Variants in GRID2IP observed in about 807,000 individuals in gnomAD.
GRID2IP encodes Grid2 interacting protein, also known as delphilin.
Under a neutral mutation model 114.3 loss-of-function variants are expected in GRID2IP, and 78 were observed. That is an observed-to-expected ratio of 0.68 (90% CI 0.57 to 0.82). The LOEUF (loss-of-function observed/expected upper bound fraction) is 0.82. Ranked by LOEUF, GRID2IP falls within the 40% of genes least tolerant of loss-of-function variation. The probability of loss-of-function intolerance (pLI) is 0.00; values close to 1 mark genes in which losing one functional copy is unlikely to be tolerated. For synonymous variants in GRID2IP, 809 were observed against 724.0 expected, an observed-to-expected ratio of 1.12 and a Z score of -1.89; for missense variants, 1,727 against 1,678.5, an observed-to-expected ratio of 1.03 and a Z score of -0.51.
intron 2 of GRID2IP, among the ~76,000 whole-genome samples, chr7:6,529,900 C>T (rs1779584197): frequency 6.6e-6 from 1 of 151,902 alleles, no homozygotes; most frequent in South Asian, 2.1e-4. Flanking sequence ...CCCCAAGTTC[C>T]TACCCCGCCC....
Position 6,503,555 on chromosome 7 carries a change from T to G in GRID2IP, c.2843A>C (p.Gln948Pro). Residue 948 changes from glutamine to proline, a missense_variant, in exon 16 of 22, where the codon CAG becomes CCG. Gln to Pro is a moderately conservative substitution (Grantham distance 76). Transcript: ENST00000457091. ...LLFAPDADEE[Q>P]RYQAFREAPG... ...CGCCTCGCGGAAGGCCTGGTAGCGCTGCTCCTCGTCGGCGTCGGGCGCGAA... is the reference window on the plus strand; with the variant it reads ...CGCCTCGCGGAAGGCCTGGTAGCGCGGCTCCTCGTCGGCGTCGGGCGCGAA... The G allele has an allele frequency of 6.5e-7, 1 of 1,528,920 alleles. No homozygotes were observed. The highest frequency in any genetic ancestry group is 1.2e-5 in the South Asian group (1 of 83,558). 94.7% of individuals were successfully genotyped at this position (1,528,920 alleles called of 1,614,324 possible).
intron 18 of GRID2IP, 107 bp from the exon 19 acceptor site, chr7:6,502,225 G>A (rs950551612): frequency 3.8e-5 from 42 of 1,111,188 alleles, no homozygotes; most frequent in Admixed American, 1.1e-4. Context: ...AATTCTTGGC[G>A]CCCCCACTTT....
At chr7:6,546,569 CAA>C (rs775701238) in intron 1 of GRID2IP, among the ~76,000 whole-genome samples, 26 of 122,252 alleles carry the variant, frequency 2.1e-4, no homozygotes, top group African/African-American at 2.5e-4. Context: ...AACTCTGTCT[CAA>C]AAAAAAAAAA....
In GRID2IP at chr7:6,506,800, G is replaced by A. The variant is rs574913465; in HGVS notation, c.2545-893C>T. Reference sequence around the variant, plus strand: ...GGAATCAAGTGATTCTCCCTCTTCAGCCTCCCGAGTAGCTGGGACCACAGG... The same window carrying A: ...GGAATCAAGTGATTCTCCCTCTTCAACCTCCCGAGTAGCTGGGACCACAGG... On this transcript the variant is annotated intron_variant, in intron 13 of 21. Coordinates refer to ENST00000457091, the MANE Select transcript of GRID2IP (RefSeq NM_001145118.2). The surrounding 1 kb of genome is among the most constrained non-coding windows in gnomAD (Gnocchi z 5.2). Among the ~76,000 whole-genome samples the A allele has an allele frequency of 9.3e-5, 14 of 151,328 alleles. No homozygotes were observed. The South Asian group carries it at 2.9e-3, about 32-fold the overall frequency.
At chr7:6,512,790 C>A (rs990459912) in intron 8 of GRID2IP, among the ~76,000 whole-genome samples, 1 of 152,024 alleles carries the variant, frequency 6.6e-6, no homozygotes, top group South Asian at 2.1e-4. Context: ...GGATTACAGA[C>A]GTGAGTCACC....
In GRID2IP at chr7:6,536,745, C is replaced by G; in HGVS notation, c.584+2973G>C. ...AGCGCTCAGAGCCAGCGCATCATCT[C>G]CGCGGCAAATTCGGCTCTAGAAATA... On this transcript the variant is annotated intron_variant, in intron 2 of 21. Transcript: ENST00000457091. This position sits in a 1 kb window ranked among gnomAD's most constrained non-coding sequence, Gnocchi z 5.3. 1 of 698,900 alleles carries G rather than the reference C, an allele frequency of 1.4e-6. No homozygotes were observed. The highest frequency in any genetic ancestry group is 2.6e-6 in the Non-Finnish European group (1 of 382,342). The allele number at this position is 698,900 out of a possible 1,614,324, so 43.3% of individuals were successfully genotyped here.
chr7:6,510,546 T>C, intron 10 of GRID2IP, 63 bp downstream of exon 10: 1 of 1,371,208 alleles, frequency 7.3e-7, no homozygotes, highest in Non-Finnish European at 9.8e-7. Context: ...CTGGGCCCAG[T>C]CCTATGGACC....
At chr7:6,502,727 G>A (rs541935841) in intron 18 of GRID2IP, 59 bp downstream of exon 18, 8 of 1,259,242 alleles carry the variant, frequency 6.4e-6, no homozygotes, top group Non-Finnish European at 9.1e-6. Flanking sequence ...AGCTAGGCCT[G>A]GCGTTAGCGC....
At chr7:6,503,433 C>A in intron 16 of GRID2IP, 58 bp downstream of exon 16, 1 of 1,428,916 alleles carries the variant, frequency 7.0e-7, no homozygotes, top group Non-Finnish European at 9.2e-7. Context: ...GCCCTGGCCA[C>A]AGCGACAGCC....
intron 4 of GRID2IP, 92 bp from the exon 5 acceptor site, chr7:6,522,049 G>A (rs1044452134): frequency 5.5e-5 from 56 of 1,023,868 alleles, no homozygotes; most frequent in Admixed American, 1.0e-4. Context: ...GAGAAATGGA[G>A]ACTCAGAGAC....
Position 6,521,747 on chromosome 7 carries a change from C to A in GRID2IP, c.989+141G>T. The A allele has an allele frequency of 2.8e-6, 2 of 702,796 alleles. No homozygotes were observed. The highest frequency in any genetic ancestry group is 4.9e-6 in the Non-Finnish European group (2 of 412,352). 43.5% of individuals were successfully genotyped at this position (702,796 alleles called of 1,614,324 possible). A position where few individuals can be genotyped will look rare whatever the true frequency, so the allele number is the denominator to read the frequency against. On this transcript the variant is annotated intron_variant, in intron 5 of 21. Transcript: ENST00000457091. The surrounding 1 kb of genome is among the most constrained non-coding windows in gnomAD (Gnocchi z 4.1). ...GGAGGAGGGTTAGATTCAAGAGTTCCCATTGGAAGAGGGACAGACCCTGGG... is the reference window on the plus strand; with the variant it reads ...GGAGGAGGGTTAGATTCAAGAGTTCACATTGGAAGAGGGACAGACCCTGGG...
rs769336933 is a variant in GRID2IP, at chr7:6,507,950, C to A, written c.2544+35G>T. 9.0e-6 allele frequency: 14 copies of A among 1,547,484 alleles called. No individual in the cohort carries two copies. The highest frequency in any genetic ancestry group is 2.4e-5 in the South Asian group (2 of 83,654). On this transcript the variant is annotated intron_variant, in intron 13 of 21. Transcript: ENST00000457091. This position sits in a 1 kb window ranked among gnomAD's most constrained non-coding sequence, Gnocchi z 5.3. ...TGCTGCTGCCCAAGCCATCCTCCCCCAGTACAGAGCGCTGCTGGGTCCCAG... is the reference window on the plus strand; with the variant it reads ...TGCTGCTGCCCAAGCCATCCTCCCCAAGTACAGAGCGCTGCTGGGTCCCAG...
intron 2 of GRID2IP, among the ~76,000 whole-genome samples, chr7:6,538,154 C>G (rs1779757531): frequency 6.6e-6 from 1 of 151,990 alleles, no homozygotes; most frequent in Admixed American, 6.6e-5. Flanking sequence ...ATTGACTGAG[C>G]TCAGGAGTTT....
At position 6,522,005 on chromosome 7, in the gene GRID2IP, C is replaced by T. The variant is rs145220997; in HGVS notation, c.920-48G>A. The T allele has an allele frequency of 2.8e-6, 4 of 1,422,716 alleles. No individual in the cohort carries two copies. The African/African-American group carries it at 4.2e-5, about 15-fold the overall frequency. The allele number at this position is 1,422,716 out of a possible 1,614,324, so 88.1% of individuals were successfully genotyped here. On this transcript the variant is annotated intron_variant, in intron 4 of 21. Transcript: ENST00000457091. ...TGCCGGTCAGCTGGGCAGGGTACCA[C>T]TTTGAGAGCAGGATGCTATCCTGTT...
chr7:6,521,115 C>A lies in GRID2IP; in HGVS notation c.1084+314G>T, dbSNP rs749269042. Among the ~76,000 whole-genome samples the A allele has an allele frequency of 2.6e-5, 4 of 152,160 alleles. No individual in the cohort carries two copies. The highest frequency in any genetic ancestry group is 5.9e-5 in the Non-Finnish European group (4 of 68,028). ...CCTCCCAAGTAGCTGGGACTACAGG[C>A]ACGTGCCATCACGCCCAGCTAGTTT... On this transcript the variant is annotated intron_variant, in intron 6 of 21. Transcript: ENST00000457091. This position sits in a 1 kb window ranked among gnomAD's most constrained non-coding sequence, Gnocchi z 4.1.
intron 2 of GRID2IP, among the ~76,000 whole-genome samples, chr7:6,529,699 C>T (rs1270059165): frequency 1.3e-5 from 2 of 152,142 alleles, no homozygotes; most frequent in Non-Finnish European, 2.9e-5. Flanking sequence ...AGCAGTGGGG[C>T]CACAGTGACT....
chr7:6,536,982 G>C lies in GRID2IP; in HGVS notation c.584+2736C>G. ...TTGGCCAGGCCCAGAGGGAGGGGCA[G>C]GCTGCGGGGTGAATGGCAGCAAGGG... On this transcript the variant is annotated intron_variant, in intron 2 of 21. Transcript: ENST00000457091. This position sits in a 1 kb window ranked among gnomAD's most constrained non-coding sequence, Gnocchi z 5.3. The C allele has an allele frequency of 2.2e-6, 1 of 446,046 alleles. No individual in the cohort carries two copies. The highest frequency in any genetic ancestry group is 3.0e-5 in the South Asian group (1 of 32,820). 27.6% of individuals were successfully genotyped at this position (446,046 alleles called of 1,614,324 possible).
At chr7:6,539,582 C>T (rs936685645) in intron 2 of GRID2IP, 136 bp downstream of exon 2, 15 of 818,404 alleles carry the variant, frequency 1.8e-5, no homozygotes, top group Middle Eastern at 3.7e-4. Context: ...AGTTATGTTG[C>T]GATGCTGTTC....
chr7:6,542,291 G>A (rs1220846332), intron 1 of GRID2IP, among the ~76,000 whole-genome samples: 1 of 78,368 alleles, frequency 1.3e-5, no homozygotes, highest in Non-Finnish European at 2.5e-5. Context: ...GGCAACAAGA[G>A]CAAAAACTCC....
Sources: gnomAD v4.1 joint callset for allele counts (sites outside exome capture counted in the v4.1 genomes callset) on GRCh38, gnomAD v4.1.1 for gene constraint, Gnocchi (gnomAD v3.1) non-coding constraint, MANE v1.5 for transcripts, NCBI Gene and HGNC (gene_info 2026-07-23, HGNC 2026-07-21) for gene names.